Variants in PPP2CA observed in about 807,000 individuals in gnomAD.
PPP2CA encodes the protein protein phosphatase 2 catalytic subunit alpha.
Under a neutral mutation model 38.8 loss-of-function variants are expected in PPP2CA, and 5 were observed. The ratio of observed to expected loss-of-function variants is 0.13; its 90% CI spans 0.07 to 0.27. The LOEUF (loss-of-function observed/expected upper bound fraction) is 0.27. Among genes scored for constraint, PPP2CA ranks in the 10% least tolerant of loss-of-function variants. PPP2CA has a pLI of 1.00. For missense variants in PPP2CA, 88 were observed against 389.7 expected (o/e 0.23, Z 6.52); for synonymous variants, 152 against 134.0 (o/e 1.13, Z -0.93).
rs926928507 is a variant in PPP2CA, at chr5:134,197,272, T to A, written c.*500A>T. ...ATAAACTGAGTGCAGACAAATCATATAATTAAATTAAACGGTATCCCTGAA... is the reference window on the plus strand; with the variant it reads ...ATAAACTGAGTGCAGACAAATCATAAAATTAAATTAAACGGTATCCCTGAA... On this transcript the variant is annotated 3_prime_UTR_variant, in exon 7 of 7. Coordinates refer to ENST00000481195, the MANE Select transcript of PPP2CA (RefSeq NM_002715.4). 4 of 155,252 alleles carry A rather than the reference T, an allele frequency of 2.6e-5. No individual in the cohort carries two copies. Among genetic ancestry groups the A allele is most frequent in the African/African-American group, 9.6e-5 (4 of 41,456 alleles). The allele number at this position is 155,252 out of a possible 1,614,324, so 9.6% of individuals were successfully genotyped here. A position where few individuals can be genotyped will look rare whatever the true frequency, so the allele number is the denominator to read the frequency against.
At position 134,201,031 on chromosome 5, in the gene PPP2CA, AGT is replaced by A. The variant is rs1761958058; in HGVS notation, c.528_529del (p.Leu177GlyfsTer7). On this transcript the variant is annotated frameshift_variant, in exon 4 of 7. Coordinates refer to ENST00000481195, the MANE Select transcript of PPP2CA (RefSeq NM_002715.4). LOFTEE classifies it high-confidence loss of function. ...GCGATCAAGTGCTCTGATATGATCC[AGT>A]GTATCTATAGATGGCGAGAGACCAC... 6.2e-7 allele frequency: 1 copy of A among 1,613,198 alleles called. No individual in the cohort carries two copies. Among genetic ancestry groups the A allele is most frequent in the African/African-American group, 1.3e-5 (1 of 74,932 alleles).
At position 134,194,451 on chromosome 5, in the gene PPP2CA, C is replaced by A. The variant is rs899944865; in HGVS notation, c.*3321G>T. 6.6e-6 allele frequency: 1 copy of A among 152,186 alleles called. No homozygotes were observed. The highest frequency in any genetic ancestry group is 2.4e-5 in the African/African-American group (1 of 41,434). The allele number at this position is 152,186 out of a possible 1,614,324, so 9.4% of individuals were successfully genotyped here. A position where few individuals can be genotyped will look rare whatever the true frequency, so the allele number is the denominator to read the frequency against. ...TAAACTATAGGCCCATTTCTAAGAA[C>A]ACATTTATGGTTGGAAGCAAAGGAA... On this transcript the variant is annotated 3_prime_UTR_variant, in exon 7 of 7. Transcript: ENST00000481195.
At chr5:134,200,540 G>GT in intron 4 of PPP2CA, 44 bp from the exon 5 acceptor site, 1 of 1,590,160 alleles carries the variant, frequency 6.3e-7, no homozygotes, top group South Asian at 1.1e-5. Flanking sequence ...TACAAACATG[G>GT]TTAACACATT....
chr5:134,207,465 AC>A (rs369152081), intron 1 of PPP2CA, among the ~76,000 whole-genome samples: 71 of 152,238 alleles, frequency 4.7e-4, no homozygotes, highest in African/African-American at 1.7e-3. Flanking sequence ...AATTTTGGAG[AC>A]TGGAATCAAG....
intron 5 of PPP2CA, chr5:134,199,468 G>GC: frequency 3.3e-6 from 1 of 303,828 alleles, no homozygotes. Context: ...ACAAACAGCA[G>GC]CAACCACCAA....
chr5:134,198,619 G>A (rs972568175), intron 6 of PPP2CA, among the ~76,000 whole-genome samples: 5 of 152,092 alleles, frequency 3.3e-5, no homozygotes, highest in Non-Finnish European at 5.9e-5. Context: ...AGGCTGGAAC[G>A]CAGTGGCGCG....
rs1347669753 is a variant in PPP2CA, at chr5:134,205,551, T to TC, written c.312+370_312+371insG. The TC allele has an allele frequency of 3.8e-5, 7 of 184,926 alleles. No homozygotes were observed. The East Asian group carries it at 9.9e-4, about 26-fold the overall frequency. 11.5% of individuals were successfully genotyped at this position (184,926 alleles called of 1,614,324 possible). On this transcript the variant is annotated intron_variant, in intron 2 of 6. Transcript: ENST00000481195. ...CACCCGCCACCACCCCCGGCTAGTT[T>TC]TTTGTACTTTTAGTAGAGATGGGGC...
In PPP2CA at chr5:134,197,587, A is replaced by G. The variant is rs1163864032; in HGVS notation, c.*185T>C. On this transcript the variant is annotated 3_prime_UTR_variant, in exon 7 of 7. Coordinates refer to ENST00000481195, the MANE Select transcript of PPP2CA (RefSeq NM_002715.4). ...AGCATGCAATGAACTGGTTCATTCT[A>G]AAGTGGTCACGGCTGTTGATGACAA... 6 of 581,144 alleles carry G rather than the reference A, an allele frequency of 1.0e-5. No homozygotes were observed. Among genetic ancestry groups the G allele is most frequent in the Non-Finnish European group, 1.9e-5 (6 of 324,024 alleles). 36.0% of individuals were successfully genotyped at this position (581,144 alleles called of 1,614,324 possible). A position where few individuals can be genotyped will look rare whatever the true frequency, so the allele number is the denominator to read the frequency against.
chr5:134,222,016 C>A (rs1183843720), intron 1 of PPP2CA, among the ~76,000 whole-genome samples: 3 of 151,374 alleles, frequency 2.0e-5, no homozygotes, highest in Admixed American at 2.0e-4. Context: ...GTTGACTTCC[C>A]AATTTAGCTT....
intron 2 of PPP2CA, among the ~76,000 whole-genome samples, chr5:134,203,792 C>T (rs142943345): frequency 3.0e-4 from 46 of 152,188 alleles, no homozygotes; most frequent in Admixed American, 5.9e-4. Context: ...AGTAGCTCAC[C>T]GCAGCCTGAA....
chr5:134,223,001 T>A (rs2300070), intron 1 of PPP2CA, among the ~76,000 whole-genome samples: 116,115 of 151,458 alleles, frequency 0.77, 44,942 homozygotes, highest in Non-Finnish European at 0.82. Context: ...GTTAACAAAA[T>A]AATGGCCTCA....
intron 1 of PPP2CA, among the ~76,000 whole-genome samples, chr5:134,210,553 T>C (rs921855172): frequency 4.8e-4 from 73 of 152,158 alleles, no homozygotes; most frequent in African/African-American, 1.7e-3. Context: ...TTTAAAAGAA[T>C]GTAATTAGGG....
chr5:134,225,648 ACT>A, intron 1 of PPP2CA, 110 bp downstream of exon 1: 1 of 887,012 alleles, frequency 1.1e-6, no homozygotes, highest in Non-Finnish European at 1.6e-6. Context: ...GGTCTCGGAG[ACT>A]CGGGGGGCCC....
chr5:134,215,828 A>G (rs1762307148), intron 1 of PPP2CA, among the ~76,000 whole-genome samples: 1 of 152,174 alleles, frequency 6.6e-6, no homozygotes, highest in Non-Finnish European at 1.5e-5. Flanking sequence ...AAAACAGATA[A>G]CATTTCCTGA....
rs1163757928 is a variant in PPP2CA at position 134,194,512 on chromosome 5, CAG to C, written c.*3258_*3259del. 25 of 152,424 alleles carry C rather than the reference CAG, an allele frequency of 1.6e-4. No individual in the cohort carries two copies. Among genetic ancestry groups the C allele is most frequent in the Admixed American group, 3.9e-4 (6 of 15,304 alleles). The allele number at this position is 152,424 out of a possible 1,614,324, so 9.4% of individuals were successfully genotyped here. ...AAACAGGTAAAAGTCACCACTGAAA[CAG>C]AGAGTCGCACGGTACATTTTAATTC... On this transcript the variant is annotated 3_prime_UTR_variant, in exon 7 of 7. Transcript: ENST00000481195.
intron 1 of PPP2CA, among the ~76,000 whole-genome samples, chr5:134,208,372 A>G (rs1339479225): frequency 1.3e-5 from 2 of 152,226 alleles, no homozygotes; most frequent in Non-Finnish European, 2.9e-5. Context: ...TTTTATTTCA[A>G]TTTAGGCAAA....
chr5:134,206,847 G>A (rs529352893), intron 1 of PPP2CA, among the ~76,000 whole-genome samples: 3 of 152,296 alleles, frequency 2.0e-5, no homozygotes, highest in South Asian at 4.1e-4. Flanking sequence ...CCAGCCCCAT[G>A]CTAGCAACTG....
chr5:134,223,392 T>C (rs1470204709), intron 1 of PPP2CA, among the ~76,000 whole-genome samples: 2 of 152,220 alleles, frequency 1.3e-5, no homozygotes, highest in Admixed American at 1.3e-4. Flanking sequence ...CAAAAAACTG[T>C]CTTCAAATTA....
intron 1 of PPP2CA, among the ~76,000 whole-genome samples, chr5:134,210,400 A>T (rs769521556): frequency 2.0e-5 from 3 of 152,202 alleles, no homozygotes; most frequent in Non-Finnish European, 4.4e-5. Flanking sequence ...GTAAAGTCTC[A>T]TATCACCTGA....
Sources: gnomAD v4.1 joint callset for allele counts (sites outside exome capture counted in the v4.1 genomes callset) on GRCh38, gnomAD v4.1.1 for gene constraint, MANE v1.5 for transcripts, NCBI Gene and HGNC (gene_info 2026-07-23, HGNC 2026-07-21) for gene names.